Variants in RTN1 observed in about 807,000 individuals in gnomAD.
The protein encoded by RTN1 is reticulon 1, also known as reticulon-1.
Under a neutral mutation model 65.5 loss-of-function variants are expected in RTN1, and 25 were observed. That is an observed-to-expected ratio of 0.38 (90% CI 0.28 to 0.53). The LOEUF (loss-of-function observed/expected upper bound fraction) is 0.53, where lower values mean the gene tolerates loss of function less well. RTN1 is among the 20% of genes least tolerant of loss of function. The pLI, the probability that RTN1 is intolerant of heterozygous loss-of-function variation, is 0.79. For missense variants in RTN1, 983 were observed against 1,025.4 expected, an observed-to-expected ratio of 0.96 and a Z score of 0.57; for synonymous variants, 471 against 447.6, an observed-to-expected ratio of 1.05 and a Z score of -0.66.
intron 3 of RTN1, among the ~76,000 whole-genome samples, chr14:59,677,561 G>A (rs1207768814): frequency 6.6e-6 from 1 of 152,146 alleles, no homozygotes; most frequent in Admixed American, 6.5e-5. Context: ...AAAGGAAACA[G>A]AACAAACAAA....
chr14:59,851,944 T>G (rs934620192), intron 1 of RTN1, among the ~76,000 whole-genome samples: 1 of 152,138 alleles, frequency 6.6e-6, no homozygotes, highest in Non-Finnish European at 1.5e-5. Flanking sequence ...TGCTCGGTTT[T>G]AAAATACTGT....
intron 6 of RTN1, 74 bp from the exon 7 acceptor site, chr14:59,603,332 A>T: frequency 9.0e-7 from 1 of 1,105,840 alleles, no homozygotes; most frequent in Middle Eastern, 2.9e-4. Flanking sequence ...ACATTTTTAT[A>T]TGGTTATATG....
At chr14:59,814,792 A>C (rs1420418831) in intron 1 of RTN1, among the ~76,000 whole-genome samples, 2 of 152,244 alleles carry the variant, frequency 1.3e-5, no homozygotes, top group African/African-American at 4.8e-5. Context: ...AGAATGTATA[A>C]ATGTTCACAG....
chr14:59,634,029 G>A (rs568268648), intron 3 of RTN1, among the ~76,000 whole-genome samples: 1 of 152,168 alleles, frequency 6.6e-6, no homozygotes, highest in East Asian at 1.9e-4. Context: ...TGGTGTTTAT[G>A]TGTGGGCAAA....
intron 8 of RTN1, among the ~76,000 whole-genome samples, 182 bp downstream of exon 8, chr14:59,602,883 A>T (rs1881623036): frequency 6.6e-6 from 1 of 152,192 alleles, no homozygotes; most frequent in African/African-American, 2.4e-5. Flanking sequence ...TTGAGAGTTT[A>T]AAAACTTATG....
At chr14:59,780,934 T>A (rs1886143790) in intron 1 of RTN1, among the ~76,000 whole-genome samples, 1 of 152,136 alleles carries the variant, frequency 6.6e-6, no homozygotes, top group Non-Finnish European at 1.5e-5. Flanking sequence ...TCTGATTCCA[T>A]CTCCCCTCTC....
intron 1 of RTN1, among the ~76,000 whole-genome samples, chr14:59,831,449 T>C (rs1425187712): frequency 6.6e-6 from 1 of 152,174 alleles, no homozygotes; most frequent in Non-Finnish European, 1.5e-5. Flanking sequence ...ATTGGCTCTC[T>C]TGGGGGCTCA....
intron 3 of RTN1, among the ~76,000 whole-genome samples, chr14:59,696,556 C>T (rs754401924): frequency 9.9e-5 from 15 of 151,210 alleles, no homozygotes; most frequent in African/African-American, 2.9e-4. Flanking sequence ...ATGCTATTTA[C>T]TACAGCTGCA....
intron 3 of RTN1, among the ~76,000 whole-genome samples, chr14:59,633,852 G>C (rs1255936528): frequency 1.3e-5 from 2 of 152,186 alleles, no homozygotes; most frequent in East Asian, 1.9e-4. Flanking sequence ...TTGAAGGCTA[G>C]CATTCCCAGA....
At chr14:59,634,958 G>T (rs188648268) in intron 3 of RTN1, among the ~76,000 whole-genome samples, 1 of 152,178 alleles carries the variant, frequency 6.6e-6, no homozygotes, top group Admixed American at 6.5e-5. Context: ...GGCAGTAAAT[G>T]AGGGAGACAC....
At chr14:59,751,291 A>T (rs1885517661) in intron 1 of RTN1, among the ~76,000 whole-genome samples, 1 of 135,358 alleles carries the variant, frequency 7.4e-6, no homozygotes, top group South Asian at 2.3e-4. Context: ...GATTGTCCTT[A>T]TTTCCTAAGC....
chr14:59,744,463 C>T (rs1885175806), intron 2 of RTN1, among the ~76,000 whole-genome samples: 1 of 152,106 alleles, frequency 6.6e-6, no homozygotes, highest in Non-Finnish European at 1.5e-5. Flanking sequence ...ATAAGAGGCT[C>T]CCTTTGTGTT....
intron 1 of RTN1, among the ~76,000 whole-genome samples, chr14:59,797,610 C>A (rs975933550): frequency 6.6e-6 from 1 of 152,070 alleles, no homozygotes; most frequent in Admixed American, 6.6e-5. Flanking sequence ...GGTGATATAC[C>A]AAAACATCTG....
At chr14:59,609,726 A>G (rs56980376) in intron 3 of RTN1, among the ~76,000 whole-genome samples, 2,491 of 152,244 alleles carry the variant, frequency 0.016, 53 homozygotes, top group African/African-American at 0.056. Context: ...GGGAGGGGCA[A>G]ATGGGAATTA....
intron 3 of RTN1, among the ~76,000 whole-genome samples, chr14:59,710,045 CTT>C (rs11353177): frequency 1.0e-3 from 112 of 110,752 alleles, no homozygotes; most frequent in South Asian, 3.7e-3. Flanking sequence ...CTCTTTCTTT[CTT>C]TTTTTTTTTT....
At chr14:59,731,198 T>G (rs1012061469) in intron 2 of RTN1, among the ~76,000 whole-genome samples, 1 of 152,220 alleles carries the variant, frequency 6.6e-6, no homozygotes, top group Non-Finnish European at 1.5e-5. Flanking sequence ...AGTACTGATA[T>G]GTGTTACAAC....
intron 3 of RTN1, among the ~76,000 whole-genome samples, chr14:59,616,780 C>T (rs978289565): frequency 6.6e-6 from 1 of 152,104 alleles, no homozygotes; most frequent in Non-Finnish European, 1.5e-5. Flanking sequence ...AAGTGCAGGT[C>T]TCAAATAACT....
chr14:59,844,875 A>G (rs1412982086), intron 1 of RTN1, among the ~76,000 whole-genome samples: 1 of 152,236 alleles, frequency 6.6e-6, no homozygotes, highest in Non-Finnish European at 1.5e-5. Flanking sequence ...ACATCTTACT[A>G]GCTCTTGGCA....
intron 3 of RTN1, among the ~76,000 whole-genome samples, chr14:59,630,037 G>C (rs756905583): frequency 6.6e-6 from 1 of 152,120 alleles, no homozygotes; most frequent in South Asian, 2.1e-4. Flanking sequence ...CTCAGTTAAT[G>C]GTTCTGCCAG....
Sources: allele counts gnomAD v4.1 joint callset (sites outside exome capture counted in the v4.1 genomes callset), GRCh38; gene constraint gnomAD v4.1.1; transcripts MANE v1.5; gene names NCBI Gene and HGNC (gene_info 2026-07-23, HGNC 2026-07-21).